Variants in CAMKMT observed in about 807,000 individuals in gnomAD.
CAMKMT encodes CaM KMT.
Under a neutral mutation model 48.0 loss-of-function variants are expected in CAMKMT, and 53 were observed. The ratio of observed to expected loss-of-function variants is 1.10; its 90% CI spans 0.89 to 1.39. The LOEUF (loss-of-function observed/expected upper bound fraction) is 1.39, where lower values mean the gene tolerates loss of function less well. CAMKMT is among the 40% of genes most tolerant of loss of function. The probability of loss-of-function intolerance (pLI) is 0.00; values close to 1 mark genes in which losing one functional copy is unlikely to be tolerated. For missense variants in CAMKMT, 428 were observed against 402.7 expected (o/e 1.06, Z -0.54); for synonymous variants, 165 against 152.3 (o/e 1.08, Z -0.61).
intron 3 of CAMKMT, among the ~76,000 whole-genome samples, chr2:44,613,440 A>G (rs113794423): frequency 1.7e-4 from 26 of 152,338 alleles, no homozygotes; most frequent in Non-Finnish European, 2.6e-4. Flanking sequence ...ACCCTCATCT[A>G]GTGCCAGGGC....
At chr2:44,514,058 C>T (rs1029139108) in intron 3 of CAMKMT, among the ~76,000 whole-genome samples, 5 of 149,772 alleles carry the variant, frequency 3.3e-5, no homozygotes, top group South Asian at 2.1e-4. Flanking sequence ...GTTGAGATTG[C>T]GCCACTACAC....
At chr2:44,489,240 A>G (rs1206050035) in intron 3 of CAMKMT, among the ~76,000 whole-genome samples, 1 of 130,624 alleles carries the variant, frequency 7.7e-6, no homozygotes, top group African/African-American at 2.8e-5. Flanking sequence ...TTCATGGAAT[A>G]CTATTTTTTT....
intron 3 of CAMKMT, among the ~76,000 whole-genome samples, chr2:44,446,740 C>T (rs928275398): frequency 1.3e-5 from 2 of 152,210 alleles, no homozygotes; most frequent in Admixed American, 1.3e-4. Flanking sequence ...TGTTGTGCTG[C>T]CACAGGGTTT....
chr2:44,678,071 A>G (rs1287817336), intron 3 of CAMKMT, among the ~76,000 whole-genome samples: 1 of 152,188 alleles, frequency 6.6e-6, no homozygotes, highest in Non-Finnish European at 1.5e-5. Flanking sequence ...AAGGAATTCC[A>G]TGTATGAATC....
chr2:44,698,787 G>A (rs563977665), intron 3 of CAMKMT, among the ~76,000 whole-genome samples: 1 of 152,210 alleles, frequency 6.6e-6, no homozygotes. Flanking sequence ...TGTAGCATGC[G>A]ATGCTATTTG....
At chr2:44,616,421 C>G (rs1180432392) in intron 3 of CAMKMT, among the ~76,000 whole-genome samples, 1 of 152,146 alleles carries the variant, frequency 6.6e-6, no homozygotes, top group Non-Finnish European at 1.5e-5. Context: ...TTTGTTGTCT[C>G]TAATTTTAAT....
At position 44,372,804 on chromosome 2, in the gene CAMKMT, G is replaced by T. The variant is rs754758348; in HGVS notation, c.227G>T (p.Gly76Val). ...TTTAATCTGTTTTCAGTAACAGAAG[G>T]CAAAGAAAGGGAAACTGAAGAGGAG... Reference protein sequence around the residue: ...ESFNLFSVTEGKERETEEEVG... With the variant: ...ESFNLFSVTEVKERETEEEVG... Residue 76 changes from glycine (G) to valine (V), a missense_variant, in exon 2 of 11, where the codon GGC becomes GTC. Gly to Val is a moderately radical substitution (Grantham distance 109). Coordinates refer to ENST00000378494, the MANE Select transcript of CAMKMT (RefSeq NM_024766.5). The T allele has an allele frequency of 3.7e-6, 6 of 1,613,882 alleles. No homozygotes were observed. In the Admixed American group the frequency reaches 1.0e-4, roughly 27 times the overall value.
chr2:44,591,514 C>G (rs954741422), intron 3 of CAMKMT, among the ~76,000 whole-genome samples: 37 of 152,178 alleles, frequency 2.4e-4, no homozygotes, highest in African/African-American at 8.4e-4. Context: ...CTCTTTGAAG[C>G]AATTGTGAAT....
At chr2:44,557,193 T>C (rs1263712811) in intron 3 of CAMKMT, among the ~76,000 whole-genome samples, 1 of 152,208 alleles carries the variant, frequency 6.6e-6, no homozygotes, top group African/African-American at 2.4e-5. Flanking sequence ...GTACTAACTG[T>C]GTCCTCTTTC....
At chr2:44,488,368 G>A (rs957672354) in intron 3 of CAMKMT, among the ~76,000 whole-genome samples, 1 of 152,116 alleles carries the variant, frequency 6.6e-6, no homozygotes, top group Middle Eastern at 3.2e-3. Context: ...GCTGAGTGTG[G>A]TGGCGCATGC....
At chr2:44,563,202 C>G (rs150617733) in intron 3 of CAMKMT, among the ~76,000 whole-genome samples, 1 of 148,124 alleles carries the variant, frequency 6.8e-6, no homozygotes, top group East Asian at 1.9e-4. Context: ...CTACTCTTAT[C>G]TCTTCGGGAT....
At chr2:44,498,586 C>G (rs1558658337) in intron 3 of CAMKMT, among the ~76,000 whole-genome samples, 1 of 152,140 alleles carries the variant, frequency 6.6e-6, no homozygotes, top group Non-Finnish European at 1.5e-5. Context: ...ATGATAAAAT[C>G]CTGTAATTCA....
intron 3 of CAMKMT, among the ~76,000 whole-genome samples, chr2:44,482,595 T>C (rs1267512993): frequency 6.6e-6 from 1 of 152,194 alleles, no homozygotes; most frequent in African/African-American, 2.4e-5. Flanking sequence ...TAAACATAGT[T>C]CTATTTTGAG....
intron 3 of CAMKMT, among the ~76,000 whole-genome samples, chr2:44,440,756 A>G (rs548344736): frequency 2.0e-5 from 3 of 152,244 alleles, no homozygotes; most frequent in Admixed American, 1.3e-4. Flanking sequence ...AATTTTCCAC[A>G]GTAGTATCAC....
At chr2:44,578,779 A>C (rs1669380154) in intron 3 of CAMKMT, among the ~76,000 whole-genome samples, 1 of 152,232 alleles carries the variant, frequency 6.6e-6, no homozygotes, top group African/African-American at 2.4e-5. Context: ...AAGCAACAAA[A>C]AGCAATCAAA....
intron 3 of CAMKMT, among the ~76,000 whole-genome samples, chr2:44,443,687 C>A (rs778186219): frequency 6.6e-6 from 1 of 152,116 alleles, no homozygotes; most frequent in Non-Finnish European, 1.5e-5. Context: ...CTGGCTGTGA[C>A]ATTGAACAAT....
At chr2:44,477,277 G>A (rs1429017591) in intron 3 of CAMKMT, among the ~76,000 whole-genome samples, 3 of 152,122 alleles carry the variant, frequency 2.0e-5, no homozygotes, top group Admixed American at 1.3e-4. Context: ...CAGAAATTTT[G>A]GAGAAGTCCA....
At chr2:44,712,473 T>C (rs982534619) in intron 6 of CAMKMT, among the ~76,000 whole-genome samples, 2 of 152,114 alleles carry the variant, frequency 1.3e-5, no homozygotes, top group Admixed American at 1.3e-4. Context: ...TAAAAATATT[T>C]TTTAAGAATA....
chr2:44,646,459 C>T (rs1018198027), intron 3 of CAMKMT, among the ~76,000 whole-genome samples: 2 of 152,048 alleles, frequency 1.3e-5, no homozygotes, highest in East Asian at 1.9e-4. Flanking sequence ...AAACTTCTTA[C>T]AATTCCATCC....
Sources: gnomAD v4.1 joint callset for allele counts (sites outside exome capture counted in the v4.1 genomes callset) on GRCh38, gnomAD v4.1.1 for gene constraint, MANE v1.5 for transcripts, NCBI Gene and HGNC (gene_info 2026-07-23, HGNC 2026-07-21) for gene names.